SH3PXD2A: variants seen among roughly 807,000 people sequenced by gnomAD.
SH3PXD2A encodes SH3 and PX domain-containing protein 2A.
A neutral mutation model predicts 115.2 loss-of-function variants in SH3PXD2A; 32 were observed. The observed-to-expected ratio is 0.28, with a 90% CI of 0.21 to 0.37. The LOEUF (loss-of-function observed/expected upper bound fraction) is 0.37. SH3PXD2A is among the 10% of genes least tolerant of loss of function. SH3PXD2A has a pLI of 1.00. For synonymous variants in SH3PXD2A, 610 were observed against 629.1 expected (o/e 0.97, Z 0.45); for missense variants, 1,328 against 1,498.7 (o/e 0.89, Z 1.88).
intron 8 of SH3PXD2A, among the ~76,000 whole-genome samples, chr10:103,652,680 T>C (rs2037146218): frequency 6.6e-6 from 1 of 151,956 alleles, no homozygotes; most frequent in Non-Finnish European, 1.5e-5. Context: ...AGAAAATGTG[T>C]GGGGTGATCT....
chr10:103,622,708 G>A (rs1266229594), intron 9 of SH3PXD2A, among the ~76,000 whole-genome samples, 155 bp from the exon 10 acceptor site: 2 of 152,196 alleles, frequency 1.3e-5, no homozygotes, highest in Non-Finnish European at 2.9e-5. Context: ...CAAAGGGCAC[G>A]CCCCTGTTGG....
At chr10:103,660,907 A>T (rs1225226137) in intron 8 of SH3PXD2A, 76 bp downstream of exon 8, 69 of 1,450,818 alleles carry the variant, frequency 4.8e-5, no homozygotes, top group Middle Eastern at 1.7e-4. Flanking sequence ...GTGGGGGAGG[A>T]GGGAGGAACA....
Position 103,850,428 on chromosome 10 carries a change from C to T in SH3PXD2A, c.72+4767G>A, listed in dbSNP as rs1301818576. Among the ~76,000 whole-genome samples the T allele has an allele frequency of 5.3e-5, 8 of 152,138 alleles. No homozygotes were observed. In the South Asian group the frequency reaches 6.2e-4, roughly 12 times the overall value. ...CCGTGAATCACCCCTCGATCACTTC[C>T]CTCCCCAGAGAAGAAACCGTTCCCA... On this transcript the variant is annotated intron_variant, in intron 1 of 14. Transcript: ENST00000369774.
chr10:103,682,812 A>C (rs1243759621), intron 6 of SH3PXD2A, among the ~76,000 whole-genome samples: 2 of 151,552 alleles, frequency 1.3e-5, no homozygotes, highest in East Asian at 1.9e-4. Flanking sequence ...CCAGAAGCTG[A>C]CGCCTTCAAA....
intron 2 of SH3PXD2A, 52 bp from the exon 3 acceptor site, chr10:103,767,221 T>A (rs1177210194): frequency 7.2e-7 from 1 of 1,381,448 alleles, no homozygotes; most frequent in East Asian, 2.3e-5. Flanking sequence ...AGAACATTCC[T>A]CATCATCCCT....
chr10:103,662,627 C>T (rs1197798287), intron 7 of SH3PXD2A, among the ~76,000 whole-genome samples: 2 of 151,252 alleles, frequency 1.3e-5, no homozygotes, highest in Admixed American at 6.6e-5. Flanking sequence ...TCTCGATCTC[C>T]TGACCTCATG....
intron 6 of SH3PXD2A, among the ~76,000 whole-genome samples, chr10:103,669,157 T>A (rs552756386): frequency 1.5e-3 from 232 of 152,312 alleles, no homozygotes; most frequent in Admixed American, 2.4e-3. Context: ...TAGACCCTGA[T>A]GTGTCATCCA....
chr10:103,724,154 C>T, intron 5 of SH3PXD2A, 116 bp downstream of exon 5: 3 of 483,180 alleles, frequency 6.2e-6, no homozygotes, highest in South Asian at 8.4e-5. Context: ...TTTAGCCCGG[C>T]TGGCCCTGCT....
At chr10:103,621,510 G>A (rs2036603136) in intron 10 of SH3PXD2A, among the ~76,000 whole-genome samples, 1 of 152,140 alleles carries the variant, frequency 6.6e-6, no homozygotes, top group Admixed American at 6.5e-5. Flanking sequence ...ACCAAAACAT[G>A]CTCTTACAGT....
chr10:103,668,184 C>T (rs1374627799), intron 7 of SH3PXD2A, among the ~76,000 whole-genome samples: 1 of 152,260 alleles, frequency 6.6e-6, no homozygotes, highest in Non-Finnish European at 1.5e-5. Context: ...TTTGGCTGGG[C>T]TCTCTCACTG....
chr10:103,832,171 G>A (rs2039487873), intron 1 of SH3PXD2A, among the ~76,000 whole-genome samples: 2 of 152,134 alleles, frequency 1.3e-5, no homozygotes, highest in South Asian at 4.1e-4. Context: ...CAATGGACAG[G>A]CAGTATGAGC....
At chr10:103,683,658 T>C (rs529684250) in intron 6 of SH3PXD2A, among the ~76,000 whole-genome samples, 1 of 152,130 alleles carries the variant, frequency 6.6e-6, no homozygotes, top group African/African-American at 2.4e-5. Context: ...TAAGACCCCA[T>C]GTTAAAAATT....
intron 8 of SH3PXD2A, among the ~76,000 whole-genome samples, chr10:103,648,928 A>G (rs1564853530): frequency 6.6e-6 from 1 of 152,202 alleles, no homozygotes; most frequent in Non-Finnish European, 1.5e-5. Flanking sequence ...CCAGAAATTT[A>G]ATCTGTGATG....
chr10:103,773,278 G>A (rs985657204), intron 2 of SH3PXD2A, among the ~76,000 whole-genome samples: 10 of 151,520 alleles, frequency 6.6e-5, no homozygotes, highest in Non-Finnish European at 1.2e-4. Flanking sequence ...GTCTCTGTGG[G>A]GACCATGCAA....
At chr10:103,667,916 C>A (rs1428368842) in intron 7 of SH3PXD2A, among the ~76,000 whole-genome samples, 1 of 152,236 alleles carries the variant, frequency 6.6e-6, no homozygotes, top group African/African-American at 2.4e-5. Context: ...AGGTTGAAGG[C>A]AAGTCCCTGA....
intron 5 of SH3PXD2A, among the ~76,000 whole-genome samples, chr10:103,714,929 T>G (rs1168199972): frequency 6.6e-6 from 1 of 152,188 alleles, no homozygotes; most frequent in African/African-American, 2.4e-5. Flanking sequence ...AGACAGGGAC[T>G]TGGGATGCCC....
Position 103,595,676 on chromosome 10 carries a change from A to G in SH3PXD2A, c.*6140T>C, listed in dbSNP as rs2036123314. 1 of 152,552 alleles carries G rather than the reference A, an allele frequency of 6.6e-6. No homozygotes were observed. The highest frequency in any genetic ancestry group is 6.5e-5 in the Admixed American group (1 of 15,280). The allele number at this position is 152,552 out of a possible 1,614,324, so 9.4% of individuals were successfully genotyped here. ...GGGACCCCATTCTCTAAGGCCACTGAGTTCTAGGACTGGAGTAGGAGAGGG... is the reference window on the plus strand; with the variant it reads ...GGGACCCCATTCTCTAAGGCCACTGGGTTCTAGGACTGGAGTAGGAGAGGG... On this transcript the variant is annotated 3_prime_UTR_variant, in exon 15 of 15. Transcript: ENST00000369774.
intron 1 of SH3PXD2A, among the ~76,000 whole-genome samples, chr10:103,850,274 C>G (rs954003942): frequency 1.3e-5 from 2 of 152,126 alleles, no homozygotes; most frequent in Non-Finnish European, 2.9e-5. Context: ...AATTTCTACC[C>G]TGGTTTGCCC....
chr10:103,813,966 CT>C (rs2039296670), intron 1 of SH3PXD2A, among the ~76,000 whole-genome samples: 1 of 143,126 alleles, frequency 7.0e-6, no homozygotes, highest in African/African-American at 2.6e-5. Context: ...AACCACTAAG[CT>C]GAACCAACAT....
Sources: gnomAD v4.1 joint callset for allele counts (sites outside exome capture counted in the v4.1 genomes callset) on GRCh38, gnomAD v4.1.1 for gene constraint, MANE v1.5 for transcripts, NCBI Gene and HGNC (gene_info 2026-07-23, HGNC 2026-07-21) for gene names.